The following HECTD4 variants were observed in gnomAD, a reference collection of about 807,000 sequenced individuals.
HECTD4 encodes HECT domain E3 ubiquitin protein ligase 4.
HECTD4 carries 114 observed loss-of-function variants against 471.5 expected under a neutral mutation model. The ratio of observed to expected loss-of-function variants is 0.24; its 90% CI spans 0.21 to 0.28. The LOEUF (loss-of-function observed/expected upper bound fraction) is 0.28. Among genes scored for constraint, HECTD4 ranks in the 10% least tolerant of loss-of-function variants. HECTD4 has a pLI of 1.00. For synonymous variants in HECTD4, 2,012 were observed against 2,256.0 expected (o/e 0.89, Z 3.07); for missense variants, 3,866 against 5,651.5 (o/e 0.68, Z 10.13).
chr12:112,249,876 C>T (rs766793832), intron 25 of HECTD4: 29 of 464,936 alleles, frequency 6.2e-5, no homozygotes, highest in Non-Finnish European at 1.1e-4. Flanking sequence ...CATCCTCAGA[C>T]CTTCTGATTC....
chr12:112,324,216 G>A (rs1485898200), intron 1 of HECTD4, among the ~76,000 whole-genome samples: 1 of 149,710 alleles, frequency 6.7e-6, no homozygotes, highest in Non-Finnish European at 1.5e-5. Flanking sequence ...CCCAGGCTCA[G>A]GTGGTCAATC....
chr12:112,374,170 C>G (rs1263972903), intron 1 of HECTD4, among the ~76,000 whole-genome samples: 1 of 151,892 alleles, frequency 6.6e-6, no homozygotes, highest in Non-Finnish European at 1.5e-5. Context: ...GACTCCATCT[C>G]TATAAAACAT....
At chr12:112,329,426 G>C (rs183699916) in intron 1 of HECTD4, among the ~76,000 whole-genome samples, 1,713 of 150,304 alleles carry the variant, frequency 0.011, 39 homozygotes, top group Admixed American at 0.035. Flanking sequence ...GGAGTGCAGT[G>C]GTGCAATCTC....
chr12:112,302,978 C>CTTT (rs3031817), intron 7 of HECTD4, among the ~76,000 whole-genome samples: 1 of 120,694 alleles, frequency 8.3e-6, no homozygotes, highest in Non-Finnish European at 1.7e-5. Context: ...TTTGTCTGCT[C>CTTT]TTTTTTTTTT....
intron 3 of HECTD4, 49 bp downstream of exon 3, chr12:112,314,408 A>G: frequency 1.1e-6 from 1 of 939,346 alleles, no homozygotes; most frequent in Middle Eastern, 2.1e-4. Context: ...CATTTGGCAC[A>G]AATCTGCCTA....
rs568180488 is a variant in HECTD4 at position 112,201,043 on chromosome 12, T to C, written c.8407-245A>G. On this transcript the variant is annotated intron_variant, in intron 54 of 75. Coordinates refer to ENST00000682272, the MANE Select transcript of HECTD4 (RefSeq NM_001388303.1). ...ATCTTATTACTATATAAACTTGCTATGTGCTTTTCTAAGAAAATAACAAAA... is the reference window on the plus strand; with the variant it reads ...ATCTTATTACTATATAAACTTGCTACGTGCTTTTCTAAGAAAATAACAAAA... The C allele has an allele frequency of 1.9e-5, 11 of 566,226 alleles. No homozygotes were observed. In the African/African-American group the frequency reaches 2.1e-4, roughly 11 times the overall value. 35.1% of individuals were successfully genotyped at this position (566,226 alleles called of 1,614,324 possible).
At chr12:112,278,050 G>A (rs1031367356) in intron 9 of HECTD4, among the ~76,000 whole-genome samples, 2 of 152,042 alleles carry the variant, frequency 1.3e-5, no homozygotes, top group African/African-American at 4.8e-5. Flanking sequence ...CTACTATCGA[G>A]TAAAACCAAA....
chr12:112,373,806 A>T (rs2135766111), intron 1 of HECTD4, among the ~76,000 whole-genome samples: 1 of 151,574 alleles, frequency 6.6e-6, no homozygotes, highest in Non-Finnish European at 1.5e-5. Flanking sequence ...GGAGTTCCAG[A>T]CCAGCCTGGC....
rs747395609 is a variant in HECTD4, at chr12:112,235,215, G to A, written c.5777C>T (p.Thr1926Ile). 6.2e-7 allele frequency: 1 copy of A among 1,613,992 alleles called. No homozygotes were observed. The highest frequency in any genetic ancestry group is 8.5e-7 in the Non-Finnish European group (1 of 1,179,876). The part of the protein sequence containing the change: ...PTASEPDTTL[T>I]KTSPKNSLKG... ...CAAGGAATTCTTGGGACTGGTTTTT[G>A]TCAATGTGGTGTCAGGTTCAGAAGC... The change falls in exon 37 of 76, where the codon ACA (threonine) becomes ATA (isoleucine). Residue 1926 changes from threonine (T) to isoleucine (I), a missense_variant. Physicochemically the swap from Thr to Ile is moderately conservative, Grantham distance 89. Around this residue, in one of 16 missense-constraint regions of HECTD4, gnomAD observed 617 missense variants for 915.1 expected, o/e 0.67. Coordinates refer to ENST00000682272, the MANE Select transcript of HECTD4 (RefSeq NM_001388303.1). The surrounding 1 kb of genome is among the most constrained non-coding windows in gnomAD (Gnocchi z 5.0).
chr12:112,186,427 T>A (rs1320731600), intron 60 of HECTD4, among the ~76,000 whole-genome samples: 2 of 147,530 alleles, frequency 1.4e-5, no homozygotes, highest in African/African-American at 5.0e-5. Flanking sequence ...AACCTCTGAC[T>A]CCTGGGTTCA....
At chr12:112,308,453 C>T (rs200777282) in intron 6 of HECTD4, among the ~76,000 whole-genome samples, 1 of 130,604 alleles carries the variant, frequency 7.7e-6, no homozygotes, top group Non-Finnish European at 1.6e-5. Flanking sequence ...AAAACAAAAA[C>T]AAAACAAAAA....
chr12:112,206,488 C>T (rs1213030203), intron 52 of HECTD4, among the ~76,000 whole-genome samples: 3 of 150,812 alleles, frequency 2.0e-5, no homozygotes, highest in South Asian at 4.2e-4. Context: ...TAGAGCGAGA[C>T]TCTCTCAAAA....
chr12:112,272,899 TCTC>T (rs1209579147), intron 11 of HECTD4, among the ~76,000 whole-genome samples: 1 of 152,132 alleles, frequency 6.6e-6, no homozygotes, highest in Non-Finnish European at 1.5e-5. Flanking sequence ...TTCACTATCT[TCTC>T]CACCCTGAGA....
chr12:112,221,606 A>C (rs775578383), intron 44 of HECTD4, among the ~76,000 whole-genome samples: 4 of 152,162 alleles, frequency 2.6e-5, no homozygotes, highest in Non-Finnish European at 5.9e-5. Flanking sequence ...AAGAAGAGGC[A>C]TTATACTTGA....
chr12:112,323,541 G>A (rs1420850081), intron 1 of HECTD4, among the ~76,000 whole-genome samples: 1 of 151,770 alleles, frequency 6.6e-6, no homozygotes, highest in Non-Finnish European at 1.5e-5. Flanking sequence ...TTTGTTGAGA[G>A]AAGCCAATTT....
intron 1 of HECTD4, among the ~76,000 whole-genome samples, chr12:112,380,102 C>T (rs1336901929): frequency 6.6e-6 from 1 of 152,070 alleles, no homozygotes; most frequent in East Asian, 1.9e-4. Context: ...ACATAAATGA[C>T]ATATATGTAT....
intron 1 of HECTD4, among the ~76,000 whole-genome samples, chr12:112,343,535 C>G (rs1370592722): frequency 6.6e-6 from 1 of 151,936 alleles, no homozygotes; most frequent in East Asian, 1.9e-4. Flanking sequence ...TTGGGGAGAC[C>G]AGGGAGGGAG....
At chr12:112,249,210 C>T (rs1013701966) in intron 25 of HECTD4, among the ~76,000 whole-genome samples, 4 of 151,860 alleles carry the variant, frequency 2.6e-5, no homozygotes, top group East Asian at 1.9e-4. Flanking sequence ...CAAAATTAGC[C>T]GGGTGTGGTG....
intron 45 of HECTD4, among the ~76,000 whole-genome samples, chr12:112,218,849 C>T (rs2033006622): frequency 6.6e-6 from 1 of 152,130 alleles, no homozygotes; most frequent in African/African-American, 2.4e-5. Context: ...ATTCTCCTGC[C>T]TCAGCCTCCC....
Sources: allele counts gnomAD v4.1 joint callset (sites outside exome capture counted in the v4.1 genomes callset), GRCh38; gene constraint gnomAD v4.1.1; regional missense constraint gnomAD v4.1.1; non-coding constraint Gnocchi (gnomAD v3.1); transcripts MANE v1.5; gene names NCBI Gene and HGNC (gene_info 2026-07-23, HGNC 2026-07-21).